The following EHBP1 variants were observed in gnomAD, a reference collection of about 807,000 sequenced individuals.
EHBP1 encodes the protein EH domain binding protein 1, also known as EH domain-binding protein 1.
In EHBP1, 55 loss-of-function variants were observed where a neutral mutation model predicts 144.0. That is an observed-to-expected ratio of 0.38 (90% CI 0.31 to 0.48). The LOEUF (loss-of-function observed/expected upper bound fraction) is 0.48. EHBP1 is among the 20% of genes least tolerant of loss of function. The pLI, the probability that EHBP1 is intolerant of heterozygous loss-of-function variation, is 0.98. For missense variants in EHBP1, 1,200 were observed against 1,364.2 expected, an observed-to-expected ratio of 0.88 and a Z score of 1.90; for synonymous variants, 469 against 472.7, an observed-to-expected ratio of 0.99 and a Z score of 0.10.
chr2:62,841,392 A>C (rs1191830903), intron 7 of EHBP1, among the ~76,000 whole-genome samples: 2 of 151,584 alleles, frequency 1.3e-5, no homozygotes, highest in African/African-American at 4.9e-5. Context: ...CTAATGCTAG[A>C]TGACGAGTTA....
At chr2:63,011,237 A>G (rs1258580022) in intron 19 of EHBP1, among the ~76,000 whole-genome samples, 1 of 151,890 alleles carries the variant, frequency 6.6e-6, no homozygotes, top group Non-Finnish European at 1.5e-5. Context: ...GCTTAAAAAA[A>G]TCAATCATTA....
chr2:62,756,565 T>G (rs1295926453), intron 3 of EHBP1, among the ~76,000 whole-genome samples: 2 of 151,532 alleles, frequency 1.3e-5, no homozygotes, highest in East Asian at 3.9e-4. Context: ...GGGTCAGGAG[T>G]TCTAGACCAG....
intron 13 of EHBP1, 63 bp from the exon 14 acceptor site, chr2:62,955,454 A>C (rs905130982): frequency 3.6e-5 from 53 of 1,480,404 alleles, no homozygotes; most frequent in Non-Finnish European, 4.6e-5. Context: ...ACCTTTCATT[A>C]GTTTACAAAT....
At chr2:62,695,766 G>A (rs2034066055) in intron 1 of EHBP1, among the ~76,000 whole-genome samples, 1 of 151,848 alleles carries the variant, frequency 6.6e-6, no homozygotes, top group Non-Finnish European at 1.5e-5. Flanking sequence ...AGGCTGGAGT[G>A]CAGTGGTGCA....
chr2:63,019,830 GGGAAGGAAGGAAGGAAGGAAGGAA>G (rs539462695), intron 19 of EHBP1, among the ~76,000 whole-genome samples: 16 of 34,792 alleles, frequency 4.6e-4, no homozygotes, highest in Admixed American at 1.1e-3. Context: ...AAGAGGGGGA[GGGAAGGAAGGAAGGAAGGAAGGAA>G]GGAAGGAAGG....
At chr2:62,757,505 C>G (rs997714273) in intron 3 of EHBP1, among the ~76,000 whole-genome samples, 1 of 143,886 alleles carries the variant, frequency 6.9e-6, no homozygotes, top group African/African-American at 2.6e-5. Flanking sequence ...ATGATCTCGG[C>G]GCACTGCAAC....
intron 19 of EHBP1, among the ~76,000 whole-genome samples, chr2:63,015,939 T>A (rs935537558): frequency 7.2e-5 from 11 of 152,184 alleles, no homozygotes; most frequent in African/African-American, 2.7e-4. Flanking sequence ...GCTTTAATAT[T>A]TCCTCTGCAA....
intron 5 of EHBP1, among the ~76,000 whole-genome samples, chr2:62,822,142 A>G (rs933006037): frequency 5.3e-5 from 8 of 152,198 alleles, no homozygotes; most frequent in Non-Finnish European, 1.2e-4. Flanking sequence ...GAGTCTCAGA[A>G]TATGTTTATT....
intron 14 of EHBP1, among the ~76,000 whole-genome samples, chr2:62,967,535 T>G (rs1419207328): frequency 6.6e-6 from 1 of 152,204 alleles, no homozygotes; most frequent in Non-Finnish European, 1.5e-5. Flanking sequence ...CAGGACATTT[T>G]TTTCTTTTTA....
intron 1 of EHBP1, among the ~76,000 whole-genome samples, chr2:62,676,166 G>C (rs1008508341): frequency 8.1e-6 from 1 of 123,294 alleles, no homozygotes; most frequent in African/African-American, 3.4e-5. Context: ...CCAAAATAGA[G>C]CTGCCCTCTT....
chr2:62,822,269 G>A (rs993264939), intron 5 of EHBP1, among the ~76,000 whole-genome samples: 1 of 152,144 alleles, frequency 6.6e-6, no homozygotes, highest in Non-Finnish European at 1.5e-5. Context: ...TACTTGAATA[G>A]CAATGAGAGT....
At chr2:62,996,612 T>A (rs774567391) in intron 18 of EHBP1, 31 bp from the exon 19 acceptor site, 3 of 1,612,458 alleles carry the variant, frequency 1.9e-6, no homozygotes, top group Non-Finnish European at 2.5e-6. Context: ...CAAGTGATTT[T>A]TTTTTCCTTC....
intron 10 of EHBP1, among the ~76,000 whole-genome samples, chr2:62,905,985 A>G (rs759175548): frequency 5.9e-5 from 9 of 151,874 alleles, no homozygotes; most frequent in African/African-American, 9.7e-5. Context: ...TTAATTCACA[A>G]GAGATGCTTT....
At chr2:62,965,320 CCT>C (rs1271811392) in intron 14 of EHBP1, among the ~76,000 whole-genome samples, 1 of 152,164 alleles carries the variant, frequency 6.6e-6, no homozygotes, top group Admixed American at 6.6e-5. Flanking sequence ...AGTTTATTTT[CCT>C]CTCTCTTCAT....
At chr2:63,041,979 A>G (rs1302332496) in intron 21 of EHBP1, among the ~76,000 whole-genome samples, 1 of 152,206 alleles carries the variant, frequency 6.6e-6, no homozygotes, top group Non-Finnish European at 1.5e-5. Flanking sequence ...AATTGGCCCT[A>G]TATATAAAAA....
Position 62,797,348 on chromosome 2 carries a change from T to C in EHBP1, c.312+25956T>C, listed in dbSNP as rs937887251. ...GGGCACCAGTTGATTGGCAGAAAGCTACTCCCATAGAGTGGTAATAATTGC... is the reference window on the plus strand; with the variant it reads ...GGGCACCAGTTGATTGGCAGAAAGCCACTCCCATAGAGTGGTAATAATTGC... On this transcript the variant is annotated intron_variant, in intron 5 of 22. Coordinates refer to ENST00000431489, the MANE Select transcript of EHBP1 (RefSeq NM_001142616.3). Among the ~76,000 whole-genome samples the C allele has an allele frequency of 5.9e-5, 9 of 152,352 alleles. No homozygotes were observed. In the East Asian group the frequency reaches 1.5e-3, roughly 26 times the overall value.
chr2:62,996,256 C>A (rs2059622128), intron 18 of EHBP1, among the ~76,000 whole-genome samples: 1 of 152,046 alleles, frequency 6.6e-6, no homozygotes, highest in Admixed American at 6.6e-5. Flanking sequence ...TTGTGTATTA[C>A]ACTTTTGAGT....
intron 2 of EHBP1, among the ~76,000 whole-genome samples, chr2:62,708,177 TAA>T (rs543021276): frequency 6.6e-6 from 1 of 152,184 alleles, no homozygotes; most frequent in Non-Finnish European, 1.5e-5. Context: ...TTTATTAGAT[TAA>T]AAAAATAGCT....
intron 14 of EHBP1, among the ~76,000 whole-genome samples, chr2:62,974,774 C>T (rs1483373438): frequency 2.6e-5 from 4 of 152,162 alleles, no homozygotes; most frequent in Admixed American, 2.0e-4. Context: ...CTGCTAGATT[C>T]GTGGTCCCTA....
Sources: allele counts gnomAD v4.1 joint callset (sites outside exome capture counted in the v4.1 genomes callset), GRCh38; gene constraint gnomAD v4.1.1; transcripts MANE v1.5; gene names NCBI Gene and HGNC (gene_info 2026-07-23, HGNC 2026-07-21).